MIS18BP1: variants seen among roughly 807,000 people sequenced by gnomAD.
MIS18BP1 encodes the protein MIS18 binding protein 1.
Under a neutral mutation model 116.1 loss-of-function variants are expected in MIS18BP1, and 72 were observed. The observed-to-expected ratio is 0.62, with a 90% CI of 0.51 to 0.75. The LOEUF (loss-of-function observed/expected upper bound fraction) is 0.75. MIS18BP1 is among the 30% of genes least tolerant of loss of function. The pLI is 0.00. For synonymous variants in MIS18BP1, 386 were observed against 427.0 expected (o/e 0.90, Z 1.18); for missense variants, 1,363 against 1,303.2 (o/e 1.05, Z -0.71).
chr14:45,210,434 A>G lies in MIS18BP1; in HGVS notation c.3098T>C (p.Val1033Ala). Residue 1033 changes from valine to alanine, a missense_variant, in exon 14 of 17, where the codon GTA becomes GCA. Transcript: ENST00000310806. ...TTPSSVIFPLVKTPQCQHVSP... is the reference protein window; with the variant it reads ...TTPSSVIFPLAKTPQCQHVSP... The stretch of plus-strand genomic sequence containing the variant: ...GACATGCTGACATTGAGGAGTTTTT[A>G]CCAATGGAAAGATAACTGATGATGG... 6.2e-7 allele frequency: 1 copy of G among 1,614,042 alleles called. No homozygotes were observed. The highest frequency in any genetic ancestry group is 8.5e-7 in the Non-Finnish European group (1 of 1,179,940).
Position 45,203,633 on chromosome 14 carries a change from G to T in MIS18BP1, c.*476C>A, listed in dbSNP as rs567482740. The T allele has an allele frequency of 1.3e-5, 2 of 152,254 alleles. No homozygotes were observed. Among genetic ancestry groups the T allele is most frequent in the Non-Finnish European group, 2.9e-5 (2 of 68,112 alleles). The allele number at this position is 152,254 out of a possible 1,614,324, so 9.4% of individuals were successfully genotyped here. Reference sequence around the variant, plus strand: ...CAACAATGTGTAATTTAAACATTAGGTTTGGATAACAACTGGTAACAAATC... The same window carrying T: ...CAACAATGTGTAATTTAAACATTAGTTTTGGATAACAACTGGTAACAAATC... On this transcript the variant is annotated 3_prime_UTR_variant, in exon 17 of 17. Coordinates refer to ENST00000310806, the MANE Select transcript of MIS18BP1 (RefSeq NM_018353.5).
At chr14:45,225,646 A>G (rs994843332) in intron 10 of MIS18BP1, among the ~76,000 whole-genome samples, 1 of 152,194 alleles carries the variant, frequency 6.6e-6, no homozygotes, top group Non-Finnish European at 1.5e-5. Context: ...CATGAAGTAC[A>G]AAACAAGCAA....
intron 6 of MIS18BP1, among the ~76,000 whole-genome samples, chr14:45,234,628 CA>C (rs1403296191): frequency 1.3e-5 from 2 of 152,078 alleles, no homozygotes; most frequent in Non-Finnish European, 2.9e-5. Flanking sequence ...ATGAAGGAGT[CA>C]TCAGGAAGGT....
intron 2 of MIS18BP1, among the ~76,000 whole-genome samples, chr14:45,243,141 C>A (rs1005596104): frequency 2.6e-5 from 4 of 152,052 alleles, no homozygotes; most frequent in African/African-American, 2.4e-5. Flanking sequence ...CAGCTCTAGA[C>A]AAAAGTATTG....
chr14:45,228,295 T>C (rs1891180823), intron 8 of MIS18BP1, among the ~76,000 whole-genome samples: 1 of 152,220 alleles, frequency 6.6e-6, no homozygotes, highest in Non-Finnish European at 1.5e-5. Flanking sequence ...TGAATCACTT[T>C]TTTTCCTTCA....
At chr14:45,212,224 G>A (rs1015189749) in intron 13 of MIS18BP1, among the ~76,000 whole-genome samples, 1 of 152,088 alleles carries the variant, frequency 6.6e-6, no homozygotes, top group Non-Finnish European at 1.5e-5. Context: ...ACCTTAATGT[G>A]TGTATGGGCC....
intron 13 of MIS18BP1, among the ~76,000 whole-genome samples, chr14:45,216,228 C>T (rs1890814549): frequency 6.6e-6 from 1 of 152,124 alleles, no homozygotes; most frequent in African/African-American, 2.4e-5. Context: ...TAGAATAAAT[C>T]TTTATGGCTT....
intron 1 of MIS18BP1, among the ~76,000 whole-genome samples, chr14:45,248,067 T>TTC: frequency 6.7e-6 from 1 of 149,602 alleles, no homozygotes; most frequent in African/African-American, 2.5e-5. Flanking sequence ...TTTTTTTTTT[T>TTC]TTTTTTCTTT....
chr14:45,241,891 T>C, intron 4 of MIS18BP1, 143 bp downstream of exon 4: 1 of 895,016 alleles, frequency 1.1e-6, no homozygotes, highest in Non-Finnish European at 1.7e-6. Context: ...TAATAAAACA[T>C]GATAATGAAG....
At chr14:45,205,621 A>G (rs1890493224) in intron 15 of MIS18BP1, among the ~76,000 whole-genome samples, 1 of 152,174 alleles carries the variant, frequency 6.6e-6, no homozygotes, top group Admixed American at 6.5e-5. Context: ...AGAATGTAAA[A>G]AAATAAAAAG....
In MIS18BP1 at chr14:45,210,454, T is replaced by C. The variant is rs1343590904; in HGVS notation, c.3078A>G (p.Ser1026=). 2 of 1,613,982 alleles carry C rather than the reference T, an allele frequency of 1.2e-6. No individual in the cohort carries two copies. Among genetic ancestry groups the C allele is most frequent in the East Asian group, 2.2e-5 (1 of 44,860 alleles). ...PNMDKNPTTP[S]SVIFPLVKTP... The stretch of plus-strand genomic sequence containing the variant: ...TTTTTACCAATGGAAAGATAACTGA[T>C]GATGGAGTTGTTGGATTTTTGTCCA... Residue 1026 remains serine (S), a synonymous_variant, in exon 14 of 17, where the codon TCA becomes TCG. Transcript: ENST00000310806.
chr14:45,244,308 A>G (rs955799634), intron 2 of MIS18BP1, among the ~76,000 whole-genome samples: 1 of 152,178 alleles, frequency 6.6e-6, no homozygotes, highest in East Asian at 1.9e-4. Flanking sequence ...TACATGTAAA[A>G]TATCTTTCAT....
chr14:45,218,196 ATGGATAAATATAAAATATAT>A, intron 12 of MIS18BP1, 66 bp downstream of exon 12: 1 of 1,350,418 alleles, frequency 7.4e-7, no homozygotes, highest in Non-Finnish European at 1.0e-6. Flanking sequence ...ATTAATATTC[ATGGATAAATATAAAATATAT>A]CTGATTTCAG....
At chr14:45,238,924 G>A (rs750021289) in intron 4 of MIS18BP1, among the ~76,000 whole-genome samples, 9 of 152,082 alleles carry the variant, frequency 5.9e-5, no homozygotes, top group Non-Finnish European at 1.2e-4. Flanking sequence ...CACAAATATG[G>A]CTTCTGTTTT....
At chr14:45,213,479 A>G (rs184792955) in intron 13 of MIS18BP1, among the ~76,000 whole-genome samples, 4 of 152,320 alleles carry the variant, frequency 2.6e-5, no homozygotes, top group Middle Eastern at 3.4e-3. Context: ...AATAACACCT[A>G]TTTCTGAAGG....
At chr14:45,211,101 AT>A (rs1890662138) in intron 13 of MIS18BP1, among the ~76,000 whole-genome samples, 1 of 152,182 alleles carries the variant, frequency 6.6e-6, no homozygotes, top group African/African-American at 2.4e-5. Context: ...ATGTGTTTCC[AT>A]TCATCTTGAA....
In MIS18BP1 at chr14:45,231,283, G is replaced by A. The variant is rs767208423; in HGVS notation, c.1452C>T (p.Asn484=). 2.5e-6 allele frequency: 4 copies of A among 1,599,570 alleles called. No homozygotes were observed. The highest frequency in any genetic ancestry group is 1.1e-5 in the South Asian group (1 of 87,878). Residue 484 remains asparagine (N), a synonymous_variant, in exon 8 of 17, where the codon AAC becomes AAT. Coordinates refer to ENST00000310806, the MANE Select transcript of MIS18BP1 (RefSeq NM_018353.5). ...TCTGTTTTTGTTTGGTCTTTTCCCT[G>A]TTCTTTTCACCAGCCCTTTAAAAAC... ...FLEQLRAGEK[N]REKTKQKQKT... is the part of the protein sequence containing the mutation.
chr14:45,208,832 G>A (rs191943514), intron 14 of MIS18BP1, among the ~76,000 whole-genome samples: 1 of 152,174 alleles, frequency 6.6e-6, no homozygotes, highest in East Asian at 1.9e-4. Context: ...GTACTGAATA[G>A]TTTTTTTCTC....
intron 2 of MIS18BP1, among the ~76,000 whole-genome samples, chr14:45,246,325 G>A (rs1460825552): frequency 6.6e-6 from 1 of 152,076 alleles, no homozygotes; most frequent in Non-Finnish European, 1.5e-5. Flanking sequence ...TTCATAGCTA[G>A]TCCTTCAACA....
Sources: allele counts gnomAD v4.1 joint callset (sites outside exome capture counted in the v4.1 genomes callset), GRCh38; gene constraint gnomAD v4.1.1; transcripts MANE v1.5; gene names NCBI Gene and HGNC (gene_info 2026-07-23, HGNC 2026-07-21).